Variants in DOCK3 observed in about 807,000 individuals in gnomAD.
The protein encoded by DOCK3 is dedicator of cytokinesis protein 3.
DOCK3 carries 60 observed loss-of-function variants against 265.6 expected under a neutral mutation model. The ratio of observed to expected loss-of-function variants is 0.23; its 90% CI spans 0.18 to 0.28. The LOEUF (loss-of-function observed/expected upper bound fraction) is 0.28. DOCK3 is among the 10% of genes least tolerant of loss of function. The pLI is 1.00. For synonymous variants in DOCK3, 881 were observed against 938.0 expected, an observed-to-expected ratio of 0.94 and a Z score of 1.11; for missense variants, 1,981 against 2,594.3, an observed-to-expected ratio of 0.76 and a Z score of 5.14.
chr3:51,194,712 A>G (rs2088167344), intron 12 of DOCK3, among the ~76,000 whole-genome samples: 1 of 151,968 alleles, frequency 6.6e-6, no homozygotes, highest in Non-Finnish European at 1.5e-5. Context: ...CTCTAGTATA[A>G]GTATAGTTAT....
intron 3 of DOCK3, among the ~76,000 whole-genome samples, chr3:50,852,675 T>C (rs1010430676): frequency 4.6e-5 from 7 of 152,322 alleles, no homozygotes; most frequent in African/African-American, 1.7e-4. Flanking sequence ...CAAGTCTAAC[T>C]AGGTTTTTGT....
chr3:51,311,950 C>A, intron 28 of DOCK3, 54 bp from the exon 29 acceptor site: 15 of 1,391,326 alleles, frequency 1.1e-5, no homozygotes, highest in Non-Finnish European at 1.5e-5. Flanking sequence ...ACCAAGCCAT[C>A]AGATGCCATT....
chr3:51,346,574 A>G (rs538225339), intron 38 of DOCK3, among the ~76,000 whole-genome samples: 5 of 151,512 alleles, frequency 3.3e-5, no homozygotes, highest in Admixed American at 6.6e-5. Context: ...AGTCTTTGCT[A>G]TTGTGAATGT....
At chr3:51,051,548 G>A (rs904111936) in intron 5 of DOCK3, among the ~76,000 whole-genome samples, 6 of 152,210 alleles carry the variant, frequency 3.9e-5, no homozygotes, top group Middle Eastern at 3.4e-3. Context: ...TTTTGTAAAG[G>A]GGTGAGCAAA....
At chr3:51,032,408 A>G (rs147647437) in intron 5 of DOCK3, among the ~76,000 whole-genome samples, 2,576 of 152,274 alleles carry the variant, frequency 0.017, 53 homozygotes, top group African/African-American at 0.042. Flanking sequence ...TATATTGCAC[A>G]CATTTAAAAT....
intron 5 of DOCK3, among the ~76,000 whole-genome samples, chr3:51,046,279 G>A (rs1037297316): frequency 2.0e-5 from 3 of 152,080 alleles, no homozygotes; most frequent in South Asian, 2.1e-4. Flanking sequence ...AACTCATTAA[G>A]CAAAACATGT....
At chr3:50,723,410 C>A (rs1314665451) in intron 1 of DOCK3, among the ~76,000 whole-genome samples, 1 of 152,146 alleles carries the variant, frequency 6.6e-6, no homozygotes, top group Non-Finnish European at 1.5e-5. Flanking sequence ...GTGGCTCATG[C>A]CTGTAATCCC....
chr3:50,947,911 T>C (rs1314086623), intron 5 of DOCK3, among the ~76,000 whole-genome samples: 1 of 146,548 alleles, frequency 6.8e-6, no homozygotes, highest in Non-Finnish European at 1.5e-5. Flanking sequence ...GCTGGAGTGC[T>C]GTGGCGCTAT....
At chr3:51,123,473 C>CA (rs1019118554) in intron 9 of DOCK3, among the ~76,000 whole-genome samples, 13 of 152,220 alleles carry the variant, frequency 8.5e-5, no homozygotes, top group African/African-American at 3.1e-4. Flanking sequence ...TAGGGCTTAG[C>CA]ATATACTTGT....
chr3:51,013,553 A>T (rs1025916072), intron 5 of DOCK3, among the ~76,000 whole-genome samples: 1 of 152,150 alleles, frequency 6.6e-6, no homozygotes, highest in African/African-American at 2.4e-5. Flanking sequence ...TTTGTCTCAG[A>T]GGGGCATCCG....
chr3:51,227,648 C>T (rs947040597), intron 16 of DOCK3, among the ~76,000 whole-genome samples: 5 of 152,182 alleles, frequency 3.3e-5, no homozygotes, highest in Non-Finnish European at 7.3e-5. Context: ...CTTGTGTTGG[C>T]CCTTCCTGGT....
chr3:51,037,420 C>T (rs554596579), intron 5 of DOCK3, among the ~76,000 whole-genome samples: 1 of 152,048 alleles, frequency 6.6e-6, no homozygotes, highest in Non-Finnish European at 1.5e-5. Context: ...TGCTCTTTTT[C>T]TCTATAGTTT....
intron 5 of DOCK3, among the ~76,000 whole-genome samples, chr3:50,945,448 C>G (rs2076401880): frequency 1.3e-5 from 2 of 151,978 alleles, no homozygotes; most frequent in Non-Finnish European, 1.5e-5. Flanking sequence ...AGATGACATG[C>G]TTTGTAACAG....
At chr3:51,357,225 C>T (rs2086424710) in intron 44 of DOCK3, 84 bp downstream of exon 44, 2 of 1,473,846 alleles carry the variant, frequency 1.4e-6, no homozygotes, top group Non-Finnish European at 1.8e-6. Flanking sequence ...AGATTATAGT[C>T]TCCTTAGGTA....
intron 27 of DOCK3, among the ~76,000 whole-genome samples, chr3:51,300,883 A>G (rs948056288): frequency 1.3e-5 from 2 of 152,040 alleles, no homozygotes; most frequent in Non-Finnish European, 2.9e-5. Context: ...TTGTATCTCT[A>G]CCAGGTTTTA....
chr3:51,132,030 A>T (rs1354031540), intron 9 of DOCK3, among the ~76,000 whole-genome samples: 1 of 152,190 alleles, frequency 6.6e-6, no homozygotes, highest in East Asian at 1.9e-4. Flanking sequence ...CCATTCCACC[A>T]TCCCAATCTC....
At chr3:51,118,270 G>A (rs1004283676) in intron 9 of DOCK3, among the ~76,000 whole-genome samples, 3 of 152,130 alleles carry the variant, frequency 2.0e-5, no homozygotes, top group Non-Finnish European at 2.9e-5. Context: ...GTGCAGTTTT[G>A]AGTGAGTTTC....
At chr3:50,835,861 C>T (rs2107180955) in intron 2 of DOCK3, among the ~76,000 whole-genome samples, 1 of 152,286 alleles carries the variant, frequency 6.6e-6, no homozygotes, top group Admixed American at 6.5e-5. Flanking sequence ...ATTAGCCAAA[C>T]CCCATGAGAT....
intron 9 of DOCK3, among the ~76,000 whole-genome samples, chr3:51,110,127 T>C (rs72941940): frequency 0.019 from 2,886 of 152,162 alleles, 93 homozygotes; most frequent in African/African-American, 0.066. Context: ...ATTGAATCCC[T>C]GAACAGACAA....
Sources: gnomAD v4.1 joint callset for allele counts (sites outside exome capture counted in the v4.1 genomes callset) on GRCh38, gnomAD v4.1.1 for gene constraint, MANE v1.5 for transcripts, NCBI Gene and HGNC (gene_info 2026-07-23, HGNC 2026-07-21) for gene names.